Variants in DCC observed in about 807,000 individuals in gnomAD.
DCC encodes DCC netrin 1 receptor.
DCC carries 58 observed loss-of-function variants against 172.5 expected under a neutral mutation model. That is an observed-to-expected ratio of 0.34 (90% confidence interval 0.27 to 0.42). The LOEUF is 0.42. DCC is among the 10% of genes least tolerant of loss of function. The probability of loss-of-function intolerance (pLI) is 1.00; values close to 1 mark genes in which losing one functional copy is unlikely to be tolerated. For synonymous variants in DCC, 709 were observed against 644.5 expected, an observed-to-expected ratio of 1.10 and a Z score of -1.52; for missense variants, 1,740 against 1,791.0, an observed-to-expected ratio of 0.97 and a Z score of 0.51.
rs146731898 is a variant in DCC at position 52,455,997 on chromosome 18, T to C, written c.91+115119T>C. ...AAACAAACAAACAAACAAAAAAAGG[T>C]TAACTTTTGGTTTTCCTGCCTTAGC... On this transcript the variant is annotated intron_variant, in intron 1 of 28. Transcript: ENST00000442544. Among the ~76,000 whole-genome samples, 558 of 152,300 alleles carry C rather than the reference T, an allele frequency of 3.7e-3. 4 individuals are homozygous for C. Among genetic ancestry groups the C allele is most frequent in the African/African-American group, 0.013 (539 of 41,560 alleles).
At chr18:52,392,854 C>T (rs567264714) in intron 1 of DCC, among the ~76,000 whole-genome samples, 8 of 152,078 alleles carry the variant, frequency 5.3e-5, no homozygotes, top group East Asian at 3.9e-4. Context: ...GGATTGGAAT[C>T]GAACTATGCA....
intron 1 of DCC, among the ~76,000 whole-genome samples, chr18:52,662,806 G>A (rs920403885): frequency 6.6e-6 from 1 of 152,168 alleles, no homozygotes; most frequent in Non-Finnish European, 1.5e-5. Context: ...TCTAGAGGCT[G>A]GGAAGTTCAA....
chr18:53,009,604 C>T (rs889686377), intron 5 of DCC, among the ~76,000 whole-genome samples: 18 of 151,772 alleles, frequency 1.2e-4, no homozygotes, highest in African/African-American at 1.2e-4. Flanking sequence ...TGTACCAATG[C>T]ATGTTTCTCT....
intron 15 of DCC, among the ~76,000 whole-genome samples, chr18:53,381,708 G>C (rs1232571437): frequency 1.3e-5 from 2 of 151,792 alleles, no homozygotes; most frequent in African/African-American, 4.8e-5. Flanking sequence ...GGGTATGTAG[G>C]AATCTGTCCA....
intron 5 of DCC, among the ~76,000 whole-genome samples, chr18:52,948,472 G>A (rs753732872): frequency 6.6e-6 from 1 of 152,102 alleles, no homozygotes; most frequent in African/African-American, 2.4e-5. Flanking sequence ...ACCGGATACT[G>A]TGCAATATAT....
chr18:52,659,291 C>T (rs1197488742), intron 1 of DCC, among the ~76,000 whole-genome samples: 2 of 152,054 alleles, frequency 1.3e-5, no homozygotes, highest in Admixed American at 1.3e-4. Context: ...ATCCAAAATA[C>T]CATGACACTA....
chr18:52,904,203 T>C (rs2039848079), intron 2 of DCC, among the ~76,000 whole-genome samples: 1 of 152,230 alleles, frequency 6.6e-6, no homozygotes, highest in Non-Finnish European at 1.5e-5. Context: ...TTTTGCATGG[T>C]ATAGCATTAA....
chr18:53,250,913 G>A (rs1355580830), intron 12 of DCC, among the ~76,000 whole-genome samples: 1 of 151,800 alleles, frequency 6.6e-6, no homozygotes, highest in African/African-American at 2.4e-5. Context: ...TCTCATCGAG[G>A]TCATCCGTGA....
intron 1 of DCC, among the ~76,000 whole-genome samples, chr18:52,541,372 C>T (rs2032442323): frequency 6.6e-6 from 1 of 152,148 alleles, no homozygotes; most frequent in Admixed American, 6.5e-5. Flanking sequence ...TGATGATTCT[C>T]TTTAGTGCCA....
At chr18:53,191,565 C>T (rs544054658) in intron 9 of DCC, among the ~76,000 whole-genome samples, 15 of 152,124 alleles carry the variant, frequency 9.9e-5, no homozygotes, top group African/African-American at 2.9e-4. Context: ...TCATATTGGA[C>T]AGTGATTGCT....
At chr18:53,202,340 A>C (rs1435631176) in intron 9 of DCC, among the ~76,000 whole-genome samples, 3 of 152,210 alleles carry the variant, frequency 2.0e-5, no homozygotes, top group Non-Finnish European at 4.4e-5. Context: ...GGTAAATTTG[A>C]ACACCAGTAT....
At chr18:52,510,354 T>C (rs1377866279) in intron 1 of DCC, among the ~76,000 whole-genome samples, 1 of 152,180 alleles carries the variant, frequency 6.6e-6, no homozygotes, top group African/African-American at 2.4e-5. Flanking sequence ...CAGGTCTTTA[T>C]AGACATCAGT....
intron 19 of DCC, among the ~76,000 whole-genome samples, chr18:53,410,248 T>A (rs1027112750): frequency 2.6e-5 from 4 of 152,200 alleles, no homozygotes; most frequent in Non-Finnish European, 4.4e-5. Context: ...CAGCTTATTC[T>A]ATTTTCTGAT....
rs924227449 is a variant in DCC at position 53,181,329 on chromosome 18, A to AT, written c.1573+2221dup. Among the ~76,000 whole-genome samples, 5 of 151,446 alleles carry AT rather than the reference A, an allele frequency of 3.3e-5. 1 individual carries two copies. The highest frequency in any genetic ancestry group is 9.7e-5 in the African/African-American group (4 of 41,312). ...TTAGCCTTGCTTTGTAAGAATGAGC[A>AT]TTTTTTTTCCCCTTGATCAATACTA... On this transcript the variant is annotated intron_variant, in intron 9 of 28. Coordinates refer to ENST00000442544, the MANE Select transcript of DCC (RefSeq NM_005215.4).
intron 12 of DCC, among the ~76,000 whole-genome samples, chr18:53,226,297 A>G (rs2056026792): frequency 6.6e-6 from 1 of 152,234 alleles, no homozygotes; most frequent in South Asian, 2.1e-4. Context: ...CAGCTAGGAG[A>G]CATCAGAACT....
intron 5 of DCC, among the ~76,000 whole-genome samples, chr18:52,953,116 G>A (rs976159594): frequency 1.3e-5 from 2 of 150,622 alleles, no homozygotes; most frequent in African/African-American, 4.9e-5. Context: ...TATGTCTCTG[G>A]CTCAATCCCC....
intron 1 of DCC, among the ~76,000 whole-genome samples, chr18:52,526,308 T>G (rs1041338079): frequency 5.3e-5 from 8 of 152,270 alleles, no homozygotes; most frequent in Non-Finnish European, 8.8e-5. Context: ...CCAATGGCCT[T>G]GCAATGAGAA....
rs150373707 is a variant in DCC at position 52,925,214 on chromosome 18, A to T, written c.849-20A>T. The T allele has an allele frequency of 1.6e-3, 2,551 of 1,610,582 alleles. 8 individuals carry two copies. The highest frequency in any genetic ancestry group is 7.1e-3 in the Admixed American group (424 of 59,882). ...ATATACATATGTTAATTTACTCTGC[A>T]CCTTCCCTATGTCTTGCAGGTCTAA... On this transcript the variant is annotated intron_variant, in intron 4 of 28. Coordinates refer to ENST00000442544, the MANE Select transcript of DCC (RefSeq NM_005215.4).
intron 1 of DCC, among the ~76,000 whole-genome samples, chr18:52,724,797 A>G (rs181393174): frequency 6.6e-5 from 10 of 152,288 alleles, no homozygotes; most frequent in South Asian, 4.1e-4. Flanking sequence ...AAACCAGCAC[A>G]GTGAGTAAAC....
Sources: gnomAD v4.1 joint callset for allele counts (sites outside exome capture counted in the v4.1 genomes callset) on GRCh38, gnomAD v4.1.1 for gene constraint, MANE v1.5 for transcripts, NCBI Gene and HGNC (gene_info 2026-07-23, HGNC 2026-07-21) for gene names.